Variants in AUTS2 observed in about 807,000 individuals in gnomAD.
The protein encoded by AUTS2 is activator of transcription and developmental regulator AUTS2.
AUTS2 carries 17 observed loss-of-function variants against 112.4 expected under a neutral mutation model. That is an observed-to-expected ratio of 0.15 (90% confidence interval 0.10 to 0.23). The LOEUF is 0.23. AUTS2 is among the 10% of genes least tolerant of loss of function. The probability of loss-of-function intolerance (pLI) is 1.00; values close to 1 mark genes in which losing one functional copy is unlikely to be tolerated. For synonymous variants in AUTS2, 751 were observed against 702.7 expected (o/e 1.07, Z -1.09); for missense variants, 1,510 against 1,701.6 (o/e 0.89, Z 1.98).
intron 6 of AUTS2, chr7:70,729,241 G>A: frequency 2.2e-6 from 1 of 455,626 alleles, no homozygotes. Context: ...CTGGGCCAGT[G>A]CGGACCCCAG....
intron 2 of AUTS2, among the ~76,000 whole-genome samples, chr7:69,971,481 G>A (rs1483611517): frequency 6.6e-6 from 1 of 152,034 alleles, no homozygotes; most frequent in Non-Finnish European, 1.5e-5. Flanking sequence ...TTCCTCAATG[G>A]TAACATATTG....
At chr7:70,316,052 G>A (rs1288866891) in intron 4 of AUTS2, among the ~76,000 whole-genome samples, 1 of 152,218 alleles carries the variant, frequency 6.6e-6, no homozygotes, top group Admixed American at 6.5e-5. Context: ...GCCCTGCATA[G>A]AGTTAGAACT....
At chr7:69,768,955 G>T (rs1457871501) in intron 1 of AUTS2, among the ~76,000 whole-genome samples, 1 of 152,184 alleles carries the variant, frequency 6.6e-6, no homozygotes, top group Non-Finnish European at 1.5e-5. Flanking sequence ...ACCATGAAAT[G>T]CATGGCAGAG....
chr7:69,731,864 G>A (rs560389406), intron 1 of AUTS2, among the ~76,000 whole-genome samples: 1 of 152,300 alleles, frequency 6.6e-6, no homozygotes, highest in African/African-American at 2.4e-5. Flanking sequence ...GTGCGTAATC[G>A]TAGGCAAGTC....
intron 2 of AUTS2, among the ~76,000 whole-genome samples, chr7:70,039,797 T>C (rs1441092723): frequency 1.3e-5 from 2 of 152,226 alleles, no homozygotes; most frequent in African/African-American, 4.8e-5. Flanking sequence ...GAGGGATAAT[T>C]GATTATTTGA....
chr7:70,749,791 G>A (rs556088728), intron 6 of AUTS2, among the ~76,000 whole-genome samples: 36 of 152,298 alleles, frequency 2.4e-4, no homozygotes, highest in Admixed American at 7.8e-4. Flanking sequence ...AGAAGTCATC[G>A]CCAAAGGATA....
At chr7:69,868,991 T>G (rs1793361564) in intron 1 of AUTS2, among the ~76,000 whole-genome samples, 1 of 152,226 alleles carries the variant, frequency 6.6e-6, no homozygotes, top group African/African-American at 2.4e-5. Context: ...ACATTGGGTC[T>G]TCTTTTGAGG....
At chr7:70,316,175 A>G (rs1373092219) in intron 4 of AUTS2, among the ~76,000 whole-genome samples, 1 of 152,214 alleles carries the variant, frequency 6.6e-6, no homozygotes, top group Admixed American at 6.5e-5. Context: ...TTAGCTTTCC[A>G]TTGATAAATA....
intron 5 of AUTS2, among the ~76,000 whole-genome samples, chr7:70,470,231 A>C (rs1342034411): frequency 6.6e-6 from 1 of 152,150 alleles, no homozygotes. Flanking sequence ...TTGGTTAACA[A>C]AGCTTCCTGG....
chr7:70,095,033 A>C lies in AUTS2; in HGVS notation c.523-23099A>C, dbSNP rs547439192. On this transcript the variant is annotated intron_variant, in intron 2 of 18. Coordinates refer to ENST00000342771, the MANE Select transcript of AUTS2 (RefSeq NM_015570.4). ...CAAGCCCGCAGGGAGATCTGCAAAGAGGATATTCTGTTCTTAAAGAAAGGA... is the reference window on the plus strand; with the variant it reads ...CAAGCCCGCAGGGAGATCTGCAAAGCGGATATTCTGTTCTTAAAGAAAGGA... 2.6e-5 allele frequency among the ~76,000 whole-genome samples: 4 copies of C among 152,322 alleles called. No individual in the cohort carries two copies. The South Asian group carries it at 8.3e-4, about 32-fold the overall frequency.
In AUTS2 at chr7:70,548,797, T is replaced by C. The variant is rs143285964; in HGVS notation, c.690+113016T>C. Among the ~76,000 whole-genome samples, 162 of 152,302 alleles carry C rather than the reference T, an allele frequency of 1.1e-3. 1 individual carries two copies. The highest frequency in any genetic ancestry group is 3.7e-3 in the African/African-American group (155 of 41,570). ...GTCAGTACCAGGCTGTCTTGATTAC[T>C]ATAGCTTTGTAGGATGTTTTGAAAT... On this transcript the variant is annotated intron_variant, in intron 5 of 18. Transcript: ENST00000342771.
chr7:70,577,606 A>T (rs1802225981), intron 5 of AUTS2, among the ~76,000 whole-genome samples: 1 of 152,136 alleles, frequency 6.6e-6, no homozygotes, highest in East Asian at 1.9e-4. Flanking sequence ...GATTATTGTC[A>T]TTTTGGGTTG....
At chr7:69,914,409 C>A (rs960717351) in intron 2 of AUTS2, among the ~76,000 whole-genome samples, 4 of 147,778 alleles carry the variant, frequency 2.7e-5, no homozygotes, top group African/African-American at 1.0e-4. Context: ...AATCCAGACC[C>A]CAATACAGTA....
At chr7:69,897,787 A>C (rs1348355414) in intron 1 of AUTS2, among the ~76,000 whole-genome samples, 1 of 152,004 alleles carries the variant, frequency 6.6e-6, no homozygotes, top group Non-Finnish European at 1.5e-5. Context: ...GGAGACACAA[A>C]CATTCAGATC....
Position 70,781,751 on chromosome 7 carries a change from C to A in AUTS2, c.2141C>A (p.Ala714Asp). ...GCACGGCCTTCAACTTTGTTCTCTGCCGCTGGTGAGTGTGGGTTTGGGTGG... is the reference window on the plus strand; with the variant it reads ...GCACGGCCTTCAACTTTGTTCTCTGACGCTGGTGAGTGTGGGTTTGGGTGG... ...DLARPSTLFSAAGAAHPTGTP... is the reference protein window; with the variant it reads ...DLARPSTLFSDAGAAHPTGTP... The change falls in exon 15 of 19, where the codon GCC becomes GAC. Residue 714 changes from alanine (A) to aspartate (D), a missense_variant. By Grantham distance (126) the Ala-to-Asp change is moderately radical. This residue lies in a region of AUTS2 where 788 missense variants were observed against 797.6 expected (regional missense o/e 0.99). Coordinates refer to ENST00000342771, the MANE Select transcript of AUTS2 (RefSeq NM_015570.4). 6.2e-7 allele frequency: 1 copy of A among 1,613,956 alleles called. No individual in the cohort carries two copies. Among genetic ancestry groups the A allele is most frequent in the Non-Finnish European group, 8.5e-7 (1 of 1,179,906 alleles).
chr7:70,580,271 C>T (rs1354397265), intron 5 of AUTS2, among the ~76,000 whole-genome samples: 1 of 152,180 alleles, frequency 6.6e-6, no homozygotes, highest in Non-Finnish European at 1.5e-5. Flanking sequence ...TGCACATGTG[C>T]CCTGCGCTGT....
chr7:69,619,635 G>C (rs145683791), intron 1 of AUTS2, among the ~76,000 whole-genome samples: 171 of 152,304 alleles, frequency 1.1e-3, no homozygotes, highest in African/African-American at 3.8e-3. Flanking sequence ...TGTGTGGCCT[G>C]ATTATCCTCT....
chr7:69,664,031 A>C (rs1380993298), intron 1 of AUTS2, among the ~76,000 whole-genome samples: 1 of 152,222 alleles, frequency 6.6e-6, no homozygotes, highest in Non-Finnish European at 1.5e-5. Flanking sequence ...GAATCTTTGG[A>C]AATGTCAGTG....
chr7:69,979,480 A>G (rs933072893), intron 2 of AUTS2, among the ~76,000 whole-genome samples: 1 of 152,250 alleles, frequency 6.6e-6, no homozygotes, highest in Non-Finnish European at 1.5e-5. Context: ...AAGGATTTCA[A>G]TTACAGTCAT....
Sources: allele counts gnomAD v4.1 joint callset (sites outside exome capture counted in the v4.1 genomes callset), GRCh38; gene constraint gnomAD v4.1.1; regional missense constraint gnomAD v4.1.1; transcripts MANE v1.5; gene names NCBI Gene and HGNC (gene_info 2026-07-23, HGNC 2026-07-21).